ICE1: variants seen among roughly 807,000 people sequenced by gnomAD.
ICE1 encodes little elongation complex subunit 1.
Under a neutral mutation model 192.7 loss-of-function variants are expected in ICE1, and 64 were observed. The observed-to-expected ratio is 0.33, with a 90% CI of 0.27 to 0.41. ICE1 has a LOEUF of 0.41. ICE1 is among the 10% of genes least tolerant of loss of function. The pLI, the probability that ICE1 is intolerant of heterozygous loss-of-function variation, is 1.00. For synonymous variants in ICE1, 1,010 were observed against 984.5 expected, an observed-to-expected ratio of 1.03 and a Z score of -0.49; for missense variants, 2,708 against 2,696.0, an observed-to-expected ratio of 1.00 and a Z score of -0.10.
chr5:5,469,128 C>T lies in ICE1; in HGVS notation c.6222+140C>T, dbSNP rs1452773941. On this transcript the variant is annotated intron_variant, in intron 15 of 18. Transcript: ENST00000296564. ...ATCTTTTAAAATTTAATCAGTTTAG[C>T]CTAAGCTTATCCATTTTGTTAATTA... is the stretch of plus-strand genomic sequence containing the variant. 4 of 561,656 alleles carry T rather than the reference C, an allele frequency of 7.1e-6. No homozygotes were observed. In the South Asian group the frequency reaches 2.3e-4, roughly 32 times the overall value. 34.8% of individuals were successfully genotyped at this position (561,656 alleles called of 1,614,324 possible).
intron 11 of ICE1, among the ~76,000 whole-genome samples, chr5:5,455,232 T>A (rs889253158): frequency 6.6e-6 from 1 of 152,228 alleles, no homozygotes; most frequent in African/African-American, 2.4e-5. Flanking sequence ...CTTATTTTCC[T>A]CTCAGGCTTC....
At chr5:5,466,667 T>C (rs1192110994) in intron 14 of ICE1, among the ~76,000 whole-genome samples, 165 bp downstream of exon 14, 1 of 152,232 alleles carries the variant, frequency 6.6e-6, no homozygotes, top group Non-Finnish European at 1.5e-5. Flanking sequence ...TGGTCTTTAG[T>C]AGGGCTTACT....
intron 17 of ICE1, 76 bp downstream of exon 17, chr5:5,476,155 A>C: frequency 1.3e-6 from 1 of 753,856 alleles, no homozygotes; most frequent in Non-Finnish European, 2.1e-6. Context: ...TAACTGTATA[A>C]TAAAATATGC....
At chr5:5,447,967 T>C (rs1027343440) in intron 10 of ICE1, 70 bp downstream of exon 10, 1 of 1,227,168 alleles carries the variant, frequency 8.1e-7, no homozygotes, top group Non-Finnish European at 1.2e-6. Flanking sequence ...TGTGTTTTGC[T>C]CCTACATATA....
At chr5:5,445,148 T>G (rs1738173573) in intron 7 of ICE1, among the ~76,000 whole-genome samples, 1 of 152,218 alleles carries the variant, frequency 6.6e-6, no homozygotes, top group South Asian at 2.1e-4. Context: ...GAGCGTGAAG[T>G]TAGAGTTTGA....
At chr5:5,459,990 T>TC (rs1456467611) in intron 12 of ICE1, among the ~76,000 whole-genome samples, 1 of 150,748 alleles carries the variant, frequency 6.6e-6, no homozygotes, top group African/African-American at 2.4e-5. Context: ...ACAGCGTCCC[T>TC]CCCCCCCTGC....
At chr5:5,424,959 G>C (rs1052206734) in intron 1 of ICE1, among the ~76,000 whole-genome samples, 4 of 152,200 alleles carry the variant, frequency 2.6e-5, no homozygotes, top group Non-Finnish European at 4.4e-5. Context: ...GAAATGGTGA[G>C]TCATTGGAGG....
rs1738882378 is a variant in ICE1, at chr5:5,463,795, T to G, written c.4461T>G (p.Asn1487Lys). Reference protein sequence around the residue: ...GPAFQEAPCGNNLSCPQEDVS... With the variant: ...GPAFQEAPCGKNLSCPQEDVS... ...CATTTCAGGAGGCTCCATGTGGCAA[T>G]AATCTTTCATGTCCCCAAGAGGATG... The change falls in exon 13 of 19, where the codon AAT becomes AAG. Residue 1487 changes from asparagine (N) to lysine (K), a missense_variant. Physicochemically the swap from Asn to Lys is moderately conservative, Grantham distance 94 (BLOSUM62 0). Around this residue, in one of 2 missense-constraint regions of ICE1, gnomAD observed 2,366 missense variants for 2,276.6 expected, o/e 1.04. Transcript: ENST00000296564. 4.3e-6 allele frequency: 7 copies of G among 1,613,862 alleles called. No individual in the cohort carries two copies. Among genetic ancestry groups the G allele is most frequent in the African/African-American group, 2.7e-5 (2 of 74,928 alleles).
intron 10 of ICE1, among the ~76,000 whole-genome samples, chr5:5,449,406 C>CT (rs993637182): frequency 4.6e-5 from 7 of 151,638 alleles, no homozygotes; most frequent in Admixed American, 2.0e-4. Context: ...AAAAGGCCAT[C>CT]TGAGTGCTAC....
intron 18 of ICE1, among the ~76,000 whole-genome samples, chr5:5,488,672 A>G (rs1739691539): frequency 6.6e-6 from 1 of 152,258 alleles, no homozygotes; most frequent in Non-Finnish European, 1.5e-5. Context: ...AAAGTATGGT[A>G]CGCTACAAAA....
At chr5:5,442,170 G>A (rs1458891122) in intron 5 of ICE1, among the ~76,000 whole-genome samples, 1 of 152,162 alleles carries the variant, frequency 6.6e-6, no homozygotes, top group Non-Finnish European at 1.5e-5. Context: ...AGAATTCATA[G>A]CTTTTACAGA....
At chr5:5,477,717 C>G (rs995557814) in intron 17 of ICE1, among the ~76,000 whole-genome samples, 6 of 152,190 alleles carry the variant, frequency 3.9e-5, no homozygotes, top group African/African-American at 1.4e-4. Flanking sequence ...CAGTGAACAT[C>G]GATGCGAAAA....
intron 1 of ICE1, among the ~76,000 whole-genome samples, chr5:5,435,082 C>T (rs1274966771): frequency 6.6e-6 from 1 of 152,152 alleles, no homozygotes; most frequent in African/African-American, 2.4e-5. Flanking sequence ...CAAGGAAATT[C>T]ATGGCATGCT....
intron 6 of ICE1, 150 bp from the exon 7 acceptor site, chr5:5,444,139 A>G (rs1738133234): frequency 1.7e-6 from 1 of 572,872 alleles, no homozygotes; most frequent in Non-Finnish European, 3.1e-6. Flanking sequence ...CATACTAAAT[A>G]GTATATTATT....
Position 5,444,285 on chromosome 5 carries a change from T to C in ICE1, c.387-4T>C. 6.4e-7 allele frequency: 1 copy of C among 1,561,138 alleles called. No homozygotes were observed. Among genetic ancestry groups the C allele is most frequent in the Non-Finnish European group, 8.7e-7 (1 of 1,149,974 alleles). On this transcript the variant is annotated splice_polypyrimidine_tract_variant and splice_region_variant and intron_variant, in intron 6 of 18. Coordinates refer to ENST00000296564, the MANE Select transcript of ICE1 (RefSeq NM_015325.3). Reference sequence around the variant, plus strand: ...CCATTTAACTTACACAATTTCGTTATTAGGAAGAAGAAACTAGAAGCTAAG... The same window carrying C: ...CCATTTAACTTACACAATTTCGTTACTAGGAAGAAGAAACTAGAAGCTAAG...
chr5:5,422,897 C>A lies in ICE1; in HGVS notation c.-19C>A. On this transcript the variant is annotated 5_prime_UTR_variant, in exon 1 of 19. Coordinates refer to ENST00000296564, the MANE Select transcript of ICE1 (RefSeq NM_015325.3). ...GGGCCCCTGAGGCGTGCGTGCCCAC[C>A]GGGCCCGGCGGCGGCACCATGATGC... The A allele has an allele frequency of 7.3e-7, 1 of 1,372,794 alleles. No homozygotes were observed. The highest frequency in any genetic ancestry group is 9.4e-7 in the Non-Finnish European group (1 of 1,062,858). The allele number at this position is 1,372,794 out of a possible 1,614,324, so 85.0% of individuals were successfully genotyped here. A position where few individuals can be genotyped will look rare whatever the true frequency, so the allele number is the denominator to read the frequency against.
At chr5:5,471,381 T>G (rs1333632093) in intron 15 of ICE1, among the ~76,000 whole-genome samples, 1 of 151,468 alleles carries the variant, frequency 6.6e-6, no homozygotes, top group Middle Eastern at 3.4e-3. Flanking sequence ...CCACCTGAGT[T>G]TTAATCTAAT....
intron 1 of ICE1, among the ~76,000 whole-genome samples, chr5:5,435,144 G>A (rs1737830890): frequency 1.3e-5 from 2 of 152,188 alleles, no homozygotes; most frequent in South Asian, 2.1e-4. Context: ...CAATTTGATA[G>A]ATGGAGTACA....
chr5:5,475,407 G>C (rs1315989998), intron 16 of ICE1, among the ~76,000 whole-genome samples: 1 of 152,176 alleles, frequency 6.6e-6, no homozygotes, highest in East Asian at 1.9e-4. Flanking sequence ...AACTTTTCTA[G>C]TGATACTTTA....
Sources: gnomAD v4.1 joint callset for allele counts (sites outside exome capture counted in the v4.1 genomes callset) on GRCh38, gnomAD v4.1.1 for gene constraint, gnomAD v4.1.1 regional missense constraint, MANE v1.5 for transcripts, NCBI Gene and HGNC (gene_info 2026-07-23, HGNC 2026-07-21) for gene names.